Variants in BBS9 observed in about 807,000 individuals in gnomAD.
The protein encoded by BBS9 is protein PTHB1.
BBS9 carries 89 observed loss-of-function variants against 117.7 expected under a neutral mutation model. The observed-to-expected ratio is 0.76, with a 90% CI of 0.64 to 0.90. The LOEUF (loss-of-function observed/expected upper bound fraction) is 0.90, where lower values mean the gene tolerates loss of function less well. Ranked by LOEUF, BBS9 falls within the 40% of genes least tolerant of loss-of-function variation. The pLI is 0.00. For missense variants in BBS9, 982 were observed against 1,042.2 expected (o/e 0.94, Z 0.80); for synonymous variants, 379 against 370.9 (o/e 1.02, Z -0.25).
intron 19 of BBS9, among the ~76,000 whole-genome samples, chr7:33,414,308 A>G (rs1831624980): frequency 6.6e-6 from 1 of 152,224 alleles, no homozygotes; most frequent in East Asian, 1.9e-4. Flanking sequence ...TTTAAATTCT[A>G]CTTTACAAAG....
intron 19 of BBS9, among the ~76,000 whole-genome samples, chr7:33,492,104 G>C (rs1316856922): frequency 6.6e-6 from 1 of 150,580 alleles, no homozygotes; most frequent in Non-Finnish European, 1.5e-5. Flanking sequence ...TCAGGAGACT[G>C]AGGCATGAGA....
chr7:33,451,820 A>G (rs1241926521), intron 19 of BBS9, among the ~76,000 whole-genome samples: 4 of 152,146 alleles, frequency 2.6e-5, no homozygotes, highest in Non-Finnish European at 4.4e-5. Context: ...TTTTTGCAGA[A>G]TATGCCATTG....
At chr7:33,601,440 A>G (rs1863776452) in intron 21 of BBS9, among the ~76,000 whole-genome samples, 1 of 152,112 alleles carries the variant, frequency 6.6e-6, no homozygotes, top group Admixed American at 6.5e-5. Context: ...ATGACCTCAG[A>G]GAGTTTCAGT....
chr7:33,494,228 G>T (rs1262609631), intron 19 of BBS9, among the ~76,000 whole-genome samples: 1 of 152,160 alleles, frequency 6.6e-6, no homozygotes, highest in Non-Finnish European at 1.5e-5. Flanking sequence ...CATCTAGTGT[G>T]TAGAGTACAG....
chr7:33,555,816 A>G (rs1226936886), intron 21 of BBS9, among the ~76,000 whole-genome samples: 1 of 152,180 alleles, frequency 6.6e-6, no homozygotes, highest in African/African-American at 2.4e-5. Flanking sequence ...TCTTACAGGA[A>G]GCCTTCCCTG....
intron 20 of BBS9, among the ~76,000 whole-genome samples, chr7:33,525,032 G>A (rs1396917193): frequency 2.0e-5 from 3 of 151,920 alleles, no homozygotes; most frequent in African/African-American, 7.2e-5. Context: ...GGAGCAGGTT[G>A]TTCAGTTTCC....
chr7:33,520,628 T>C (rs939568063), intron 20 of BBS9, among the ~76,000 whole-genome samples: 1 of 152,186 alleles, frequency 6.6e-6, no homozygotes, highest in Non-Finnish European at 1.5e-5. Flanking sequence ...TCTTCTGACT[T>C]GTAATCCAAT....
chr7:33,528,956 T>G (rs1016587902), intron 20 of BBS9, among the ~76,000 whole-genome samples: 2 of 152,248 alleles, frequency 1.3e-5, no homozygotes, highest in African/African-American at 4.8e-5. Context: ...AGCCACTTGC[T>G]TGATCTGGTA....
intron 9 of BBS9, among the ~76,000 whole-genome samples, chr7:33,292,517 G>T (rs962877511): frequency 1.3e-5 from 2 of 151,886 alleles, no homozygotes; most frequent in Non-Finnish European, 2.9e-5. Context: ...ATGACCCACC[G>T]CACACCATCT....
At chr7:33,554,461 G>A (rs996633194) in intron 21 of BBS9, among the ~76,000 whole-genome samples, 1 of 152,126 alleles carries the variant, frequency 6.6e-6, no homozygotes, top group Non-Finnish European at 1.5e-5. Context: ...AATACACAGA[G>A]CTTGGTGCTG....
chr7:33,562,753 G>A (rs1219886157), intron 21 of BBS9, among the ~76,000 whole-genome samples: 2 of 152,014 alleles, frequency 1.3e-5, no homozygotes, highest in Non-Finnish European at 2.9e-5. Context: ...GTGAAACCCC[G>A]TCTCTACTAA....
intron 21 of BBS9, among the ~76,000 whole-genome samples, chr7:33,592,231 A>G (rs1252462747): frequency 6.6e-6 from 1 of 152,064 alleles, no homozygotes; most frequent in Admixed American, 6.6e-5. Context: ...ATAATAGCTA[A>G]CATTTACTGG....
intron 2 of BBS9, 128 bp from the exon 3 acceptor site, chr7:33,152,573 G>A: frequency 1.2e-6 from 1 of 842,552 alleles, no homozygotes; most frequent in Non-Finnish European, 1.8e-6. Flanking sequence ...AGTGGCCTTT[G>A]TGTATAAAGC....
intron 19 of BBS9, among the ~76,000 whole-genome samples, chr7:33,437,477 T>C (rs1328682791): frequency 6.6e-6 from 1 of 152,238 alleles, no homozygotes; most frequent in Non-Finnish European, 1.5e-5. Context: ...CTTTTGAATT[T>C]CACATAAATT....
chr7:33,437,303 T>G (rs935989088), intron 19 of BBS9, among the ~76,000 whole-genome samples: 2 of 152,180 alleles, frequency 1.3e-5, no homozygotes, highest in Non-Finnish European at 2.9e-5. Context: ...GCAGCTGACC[T>G]CTCTGCTCCC....
At chr7:33,428,793 A>G (rs923483643) in intron 19 of BBS9, among the ~76,000 whole-genome samples, 3 of 152,218 alleles carry the variant, frequency 2.0e-5, no homozygotes, top group Admixed American at 6.5e-5. Context: ...TGGTTTATAC[A>G]TAATTGTTTA....
intron 21 of BBS9, among the ~76,000 whole-genome samples, chr7:33,547,865 A>G (rs1022533858): frequency 6.6e-6 from 1 of 152,246 alleles, no homozygotes; most frequent in Non-Finnish European, 1.5e-5. Flanking sequence ...GCTCATTCTT[A>G]TCCAGTGTAA....
intron 19 of BBS9, among the ~76,000 whole-genome samples, chr7:33,454,094 C>G (rs1219768857): frequency 6.6e-6 from 1 of 152,132 alleles, no homozygotes; most frequent in Non-Finnish European, 1.5e-5. Flanking sequence ...GGTCTCTTCC[C>G]TGGGGGTGAG....
Position 33,321,265 on chromosome 7 carries a change from A to C in BBS9, c.1017-15176A>C, listed in dbSNP as rs536022923. Among the ~76,000 whole-genome samples the C allele has an allele frequency of 1.5e-3, 229 of 151,928 alleles. 1 individual carries two copies. The highest frequency in any genetic ancestry group is 5.1e-3 in the African/African-American group (210 of 41,494). On this transcript the variant is annotated intron_variant, in intron 9 of 22. Coordinates refer to ENST00000242067, the MANE Select transcript of BBS9 (RefSeq NM_198428.3). ...AATCACTGGATTTTTTTTTGTATTTATCTGAAGAATGTCAGTAGTATTTTG... is the reference window on the plus strand; with the variant it reads ...AATCACTGGATTTTTTTTTGTATTTCTCTGAAGAATGTCAGTAGTATTTTG...
Sources: allele counts gnomAD v4.1 joint callset (sites outside exome capture counted in the v4.1 genomes callset), GRCh38; gene constraint gnomAD v4.1.1; transcripts MANE v1.5; gene names NCBI Gene and HGNC (gene_info 2026-07-23, HGNC 2026-07-21).